Variants in FSTL5 observed in about 807,000 individuals in gnomAD.
FSTL5 encodes the protein follistatin like 5.
FSTL5 carries 62 observed loss-of-function variants against 89.1 expected under a neutral mutation model. That is an observed-to-expected ratio of 0.70 (90% confidence interval 0.57 to 0.86). FSTL5 has a LOEUF of 0.86. Ranked by LOEUF, FSTL5 falls within the 40% of genes least tolerant of loss-of-function variation. The pLI is 0.00. For missense variants in FSTL5, 1,057 were observed against 1,001.6 expected (o/e 1.06, Z -0.75); for synonymous variants, 383 against 346.2 (o/e 1.11, Z -1.18).
chr4:162,051,731 A>C (rs557589645), intron 2 of FSTL5, among the ~76,000 whole-genome samples: 4 of 151,616 alleles, frequency 2.6e-5, no homozygotes, highest in Non-Finnish European at 4.4e-5. Flanking sequence ...TTATTCAATA[A>C]CCCTAAAAGA....
intron 2 of FSTL5, among the ~76,000 whole-genome samples, chr4:162,103,254 G>A (rs546784264): frequency 1.6e-4 from 24 of 152,220 alleles, no homozygotes; most frequent in African/African-American, 5.5e-4. Flanking sequence ...GAATAAACAC[G>A]CAAACAACAC....
chr4:162,149,644 C>A (rs1561046564), intron 1 of FSTL5, among the ~76,000 whole-genome samples: 1 of 151,720 alleles, frequency 6.6e-6, no homozygotes. Context: ...CAGAGCAAGA[C>A]CCTGTCTCTC....
intron 13 of FSTL5, among the ~76,000 whole-genome samples, chr4:161,469,640 AT>A (rs34810071): frequency 0.58 from 78,431 of 135,822 alleles, 22,105 homozygotes; most frequent in African/African-American, 0.73. Flanking sequence ...TTATTTATCT[AT>A]TTTTTTTTTT....
intron 6 of FSTL5, among the ~76,000 whole-genome samples, chr4:161,751,872 A>G (rs1740403544): frequency 6.6e-6 from 1 of 152,188 alleles, no homozygotes; most frequent in Admixed American, 6.5e-5. Flanking sequence ...ATTATTCTCC[A>G]AATATGTCAG....
At chr4:161,498,302 T>C (rs1185603027) in intron 12 of FSTL5, among the ~76,000 whole-genome samples, 7 of 152,114 alleles carry the variant, frequency 4.6e-5, no homozygotes, top group East Asian at 1.9e-4. Flanking sequence ...GTTGCAAAAC[T>C]GTCACATCAA....
At chr4:161,639,183 G>C (rs1055008276) in intron 7 of FSTL5, among the ~76,000 whole-genome samples, 1 of 151,364 alleles carries the variant, frequency 6.6e-6, no homozygotes, top group Non-Finnish European at 1.5e-5. Context: ...TTTCCTCTTA[G>C]TTCTGAAAAA....
chr4:161,913,074 A>C (rs1171992450), intron 4 of FSTL5, among the ~76,000 whole-genome samples: 1 of 152,206 alleles, frequency 6.6e-6, no homozygotes, highest in Non-Finnish European at 1.5e-5. Flanking sequence ...GGTGCCATAA[A>C]AAACATTCCA....
Position 162,041,085 on chromosome 4 carries a change from T to C in FSTL5, c.127-7427A>G, listed in dbSNP as rs573505995. On this transcript the variant is annotated intron_variant, in intron 2 of 15. Transcript: ENST00000306100. The stretch of plus-strand genomic sequence containing the variant: ...AATGTGATATTCAATAGTGGAATTA[T>C]GTATCAAATCTAGATAGTACAGTCC... Among the ~76,000 whole-genome samples the C allele has an allele frequency of 2.0e-5, 3 of 151,806 alleles. No individual in the cohort carries two copies. In the South Asian group the frequency reaches 6.2e-4, roughly 32 times the overall value.
At chr4:161,916,140 G>T (rs1456488271) in intron 4 of FSTL5, among the ~76,000 whole-genome samples, 3 of 152,072 alleles carry the variant, frequency 2.0e-5, no homozygotes, top group Non-Finnish European at 4.4e-5. Flanking sequence ...TGCACAGATC[G>T]CTGTGACAAC....
intron 4 of FSTL5, among the ~76,000 whole-genome samples, chr4:161,892,635 A>G (rs1733024889): frequency 6.6e-6 from 1 of 152,094 alleles, no homozygotes; most frequent in Non-Finnish European, 1.5e-5. Context: ...AACTCAAAGT[A>G]TTCCATAAAA....
At chr4:161,866,652 T>C (rs77033764) in intron 4 of FSTL5, among the ~76,000 whole-genome samples, 1 of 151,936 alleles carries the variant, frequency 6.6e-6, no homozygotes, top group African/African-American at 2.4e-5. Context: ...AGTGTAGCCT[T>C]AACAACAATT....
intron 5 of FSTL5, among the ~76,000 whole-genome samples, chr4:161,765,545 T>C (rs1740963433): frequency 6.6e-6 from 1 of 152,164 alleles, no homozygotes; most frequent in Non-Finnish European, 1.5e-5. Context: ...GAAAAATACT[T>C]CATTTGTAAA....
Position 162,111,308 on chromosome 4 carries a change from A to C in FSTL5, c.89T>G (p.Leu30Arg). 6.2e-7 allele frequency: 1 copy of C among 1,612,264 alleles called. No individual in the cohort carries two copies. Reference sequence around the variant, plus strand: ...TCTCATTAGAGGCTGATAGGATTTAAGGCCATATCCTCCTTCTTTGGTTGG... The same window carrying C: ...TCTCATTAGAGGCTGATAGGATTTACGGCCATATCCTCCTTCTTTGGTTGG... The part of the protein sequence containing the change: ...GRPTKEGGYG[L>R]KSYQPLMRLR... Residue 30 changes from leucine (L) to arginine (R), a missense_variant, in exon 2 of 16, where the codon CTT becomes CGT. Physicochemically the swap from Leu to Arg is moderately radical, Grantham distance 102. Transcript: ENST00000306100.
At chr4:161,630,863 C>G (rs1302277039) in intron 7 of FSTL5, among the ~76,000 whole-genome samples, 2 of 152,188 alleles carry the variant, frequency 1.3e-5, no homozygotes, top group Non-Finnish European at 2.9e-5. Flanking sequence ...CATCTGTTGA[C>G]AGAACTTTGC....
At chr4:161,490,594 G>C (rs377564427) in intron 12 of FSTL5, among the ~76,000 whole-genome samples, 3 of 151,954 alleles carry the variant, frequency 2.0e-5, no homozygotes, top group African/African-American at 7.2e-5. Flanking sequence ...CTTAGTTCTT[G>C]CATCTTTCCA....
chr4:161,951,158 G>T (rs1406382606), intron 3 of FSTL5, among the ~76,000 whole-genome samples: 1 of 151,964 alleles, frequency 6.6e-6, no homozygotes, highest in Non-Finnish European at 1.5e-5. Flanking sequence ...ATGTGCCTTT[G>T]CTCTTCCTTC....
At chr4:162,161,314 G>T (rs1030267483) in intron 1 of FSTL5, among the ~76,000 whole-genome samples, 1 of 151,854 alleles carries the variant, frequency 6.6e-6, no homozygotes, top group African/African-American at 2.4e-5. Context: ...TGTCTTCAAA[G>T]TTGGCAATTT....
At chr4:162,129,768 CT>C (rs1403945568) in intron 1 of FSTL5, among the ~76,000 whole-genome samples, 1 of 152,054 alleles carries the variant, frequency 6.6e-6, no homozygotes, top group Non-Finnish European at 1.5e-5. Context: ...TATGCAGATG[CT>C]AAATTTAAAT....
intron 4 of FSTL5, among the ~76,000 whole-genome samples, chr4:161,893,331 A>G (rs1296658718): frequency 6.6e-6 from 1 of 152,186 alleles, no homozygotes; most frequent in Non-Finnish European, 1.5e-5. Flanking sequence ...TAAGACAGAT[A>G]ATGGAACTTC....
Sources: allele counts gnomAD v4.1 joint callset (sites outside exome capture counted in the v4.1 genomes callset), GRCh38; gene constraint gnomAD v4.1.1; transcripts MANE v1.5; gene names NCBI Gene and HGNC (gene_info 2026-07-23, HGNC 2026-07-21).